The following FAM90A20 variants were observed in gnomAD, a reference collection of about 807,000 sequenced individuals.
FAM90A20 encodes family with sequence similarity 90 member A20.
chr8:7,296,398 G>C, the FAM90A20 span: 1 of 745,626 alleles, frequency 1.3e-6, no homozygotes, highest in South Asian at 1.4e-5. Context: ...TTATCTGAGG[G>C]TGAGTGTCAC....
At chr8:7,297,262 T>C in the FAM90A20 span, 6 of 1,424,996 alleles carry the variant, frequency 4.2e-6, no homozygotes, top group Non-Finnish European at 4.8e-6. Flanking sequence ...CCGACATCCC[T>C]CGGCCTGCAG....
the FAM90A20 span, among the ~76,000 whole-genome samples, chr8:7,296,730 C>T: frequency 2.2e-5 from 3 of 135,680 alleles, 1 homozygote; most frequent in Non-Finnish European, 4.5e-5. Context: ...TCCCGAGTAC[C>T]CTTGAGCCAC....
At chr8:7,296,571 G>C in the FAM90A20 span, among the ~76,000 whole-genome samples, 37 of 135,620 alleles carry the variant, frequency 2.7e-4, 4 homozygotes, top group South Asian at 6.5e-4. Context: ...GTCATCTGAA[G>C]ATGCCGTATT....
chr8:7,297,704 G>T, the FAM90A20 span: 5 of 1,448,352 alleles, frequency 3.5e-6, 2 homozygotes, highest in Middle Eastern at 2.4e-4. Flanking sequence ...GGTGCCCAGC[G>T]TTGAACGGCA....
the FAM90A20 span, chr8:7,296,404 G>C: frequency 2.7e-6 from 2 of 740,998 alleles, no homozygotes; most frequent in Non-Finnish European, 4.9e-6. Flanking sequence ...GAGGGTGAGT[G>C]TCACCCCGGG....
the FAM90A20 span, chr8:7,296,396 G>C: frequency 9.4e-6 from 7 of 746,212 alleles, no homozygotes; most frequent in Non-Finnish European, 1.7e-5. Flanking sequence ...GATTATCTGA[G>C]GGTGAGTGTC....
chr8:7,297,515 G>C, the FAM90A20 span: 1 of 1,514,368 alleles, frequency 6.6e-7, no homozygotes, highest in Non-Finnish European at 8.9e-7. Context: ...ACCTGCCCAG[G>C]CTCCGATTCA....
chr8:7,297,124 C>T, the FAM90A20 span: 144 of 1,513,500 alleles, frequency 9.5e-5, 10 homozygotes, highest in Middle Eastern at 2.3e-4. Flanking sequence ...ACCCTGTCCT[C>T]TCTGGTCGCT....
At chr8:7,297,713 C>A in the FAM90A20 span, 5 of 1,471,446 alleles carry the variant, frequency 3.4e-6, no homozygotes, top group Non-Finnish European at 3.7e-6. Context: ...CGTTGAACGG[C>A]AGCCTCCGCA....
At chr8:7,296,331 C>T in the FAM90A20 span, 140 of 742,236 alleles carry the variant, frequency 1.9e-4, 11 homozygotes, top group Admixed American at 2.0e-3. Context: ...ACATGTTTTC[C>T]GGGAAACCTC....
At chr8:7,297,545 A>G in the FAM90A20 span, 8 of 1,524,622 alleles carry the variant, frequency 5.2e-6, no homozygotes, top group Non-Finnish European at 7.1e-6. Context: ...GAACTTCCCC[A>G]AGAAACCGAG....
the FAM90A20 span, chr8:7,296,445 T>A: frequency 1.4e-6 from 1 of 710,934 alleles, no homozygotes; most frequent in Non-Finnish European, 2.6e-6. Context: ...TAGGTAACCC[T>A]GGTTGATTTC....
chr8:7,297,721 G>T, the FAM90A20 span: 15 of 1,494,640 alleles, frequency 1.0e-5, 1 homozygote, highest in Non-Finnish European at 1.3e-5. Flanking sequence ...GGCAGCCTCC[G>T]CACCGCAGAC....
At chr8:7,297,110 A>T in the FAM90A20 span, 346 of 1,505,914 alleles carry the variant, frequency 2.3e-4, 35 homozygotes, top group Middle Eastern at 1.2e-3. Context: ...GAGGCCGCGC[A>T]TGGACCCTGT....
the FAM90A20 span, chr8:7,297,561 G>A: frequency 6.6e-7 from 1 of 1,515,362 alleles, no homozygotes; most frequent in Non-Finnish European, 8.9e-7. Flanking sequence ...CCGAGACTGG[G>A]TCCCTTCCAG....
chr8:7,297,582 G>A, the FAM90A20 span: 3 of 1,508,028 alleles, frequency 2.0e-6, no homozygotes, highest in East Asian at 4.5e-5. Flanking sequence ...ATCCCCGAAA[G>A]CACCATCCAG....
the FAM90A20 span, chr8:7,297,564 C>A: frequency 6.6e-7 from 1 of 1,512,742 alleles, no homozygotes; most frequent in Non-Finnish European, 8.9e-7. Flanking sequence ...AGACTGGGTC[C>A]CTTCCAGATC....
the FAM90A20 span, chr8:7,297,023 C>T: frequency 1.4e-6 from 2 of 1,448,332 alleles, no homozygotes; most frequent in Non-Finnish European, 1.8e-6. Flanking sequence ...TGGCTCCATG[C>T]TGAGGAACTT....
At chr8:7,297,298 C>T in the FAM90A20 span, 1 of 1,344,560 alleles carries the variant, frequency 7.4e-7, no homozygotes. Flanking sequence ...ACGAGACTCT[C>T]CTCGTGGTGG....
Sources: gnomAD v4.1 joint callset for allele counts (sites outside exome capture counted in the v4.1 genomes callset) on GRCh38, gnomAD v4.1.1 for gene constraint, MANE v1.5 for transcripts, NCBI Gene and HGNC (gene_info 2026-07-23, HGNC 2026-07-21) for gene names.